STK3: variants seen among roughly 807,000 people sequenced by gnomAD.
STK3 encodes serine/threonine kinase 3.
Under a neutral mutation model 58.0 loss-of-function variants are expected in STK3, and 41 were observed. The observed-to-expected ratio is 0.71, with a 90% CI of 0.55 to 0.92. STK3 has a LOEUF of 0.92. STK3 is among the 40% of genes least tolerant of loss of function. The pLI is 0.00. For missense variants in STK3, 479 were observed against 602.7 expected (o/e 0.79, Z 2.15); for synonymous variants, 170 against 191.0 (o/e 0.89, Z 0.91).
chr8:98,690,617 C>A (rs1464218877), intron 6 of STK3, among the ~76,000 whole-genome samples: 1 of 152,202 alleles, frequency 6.6e-6, no homozygotes, highest in Non-Finnish European at 1.5e-5. Context: ...AATGGTCATA[C>A]TGCCCAAAGC....
chr8:98,476,940 A>C (rs533486968), intron 10 of STK3, among the ~76,000 whole-genome samples: 12 of 152,236 alleles, frequency 7.9e-5, no homozygotes, highest in Non-Finnish European at 1.3e-4. Flanking sequence ...GGTACTTGAA[A>C]AACAGCAACT....
At chr8:98,485,954 C>T (rs944008906) in intron 10 of STK3, among the ~76,000 whole-genome samples, 1 of 152,044 alleles carries the variant, frequency 6.6e-6, no homozygotes, top group African/African-American at 2.4e-5. Flanking sequence ...AGAGTACGAC[C>T]CATGACAAAG....
rs191439654 is a variant in STK3, at chr8:98,600,994, G to A, written c.685-4825C>T. Among the ~76,000 whole-genome samples the A allele has an allele frequency of 2.6e-5, 4 of 152,146 alleles. No individual in the cohort carries two copies. In the East Asian group the frequency reaches 7.7e-4, roughly 29 times the overall value. On this transcript the variant is annotated intron_variant, in intron 6 of 10. Transcript: ENST00000419617. The stretch of plus-strand genomic sequence containing the variant: ...CAATTATGTACAAGATTGTATAAGT[G>A]TCTTTAAAATTTATTTTTACTATGA...
chr8:98,590,448 G>A (rs987897542), intron 7 of STK3, among the ~76,000 whole-genome samples: 2 of 152,202 alleles, frequency 1.3e-5, no homozygotes, highest in Admixed American at 1.3e-4. Flanking sequence ...AGAGCCTTGG[G>A]CCAGAGTTCC....
At chr8:98,499,185 A>G (rs1823382836) in intron 10 of STK3, among the ~76,000 whole-genome samples, 1 of 152,188 alleles carries the variant, frequency 6.6e-6, no homozygotes, top group Non-Finnish European at 1.5e-5. Flanking sequence ...ACAGATCTAG[A>G]TACTAAAAAG....
At chr8:98,582,082 GA>G (rs771417283) in intron 7 of STK3, among the ~76,000 whole-genome samples, 116 of 152,064 alleles carry the variant, frequency 7.6e-4, no homozygotes, top group Non-Finnish European at 1.5e-3. Flanking sequence ...GATTTTAAAA[GA>G]ATAAACTTTT....
At chr8:98,585,324 T>A (rs1586930578) in intron 7 of STK3, among the ~76,000 whole-genome samples, 1 of 152,236 alleles carries the variant, frequency 6.6e-6, no homozygotes, top group African/African-American at 2.4e-5. Context: ...GACTAGCCAA[T>A]TTTCCCAGCA....
At chr8:98,725,829 G>GT (rs1255153338) in intron 4 of STK3, among the ~76,000 whole-genome samples, 1 of 152,076 alleles carries the variant, frequency 6.6e-6, no homozygotes, top group African/African-American at 2.4e-5. Flanking sequence ...CACTTACCAT[G>GT]TTTTTTTCCC....
chr8:98,546,353 G>A (rs1810699468), intron 9 of STK3, among the ~76,000 whole-genome samples: 1 of 151,964 alleles, frequency 6.6e-6, no homozygotes, highest in Non-Finnish European at 1.5e-5. Context: ...CAATCTAAAT[G>A]AATTAGATTC....
At chr8:98,509,815 T>G (rs1325380179) in intron 10 of STK3, among the ~76,000 whole-genome samples, 1 of 152,028 alleles carries the variant, frequency 6.6e-6, no homozygotes, top group African/African-American at 2.4e-5. Context: ...ATTCTATTTT[T>G]CTACTCATAA....
In STK3 at chr8:98,455,163, T is replaced by C. The variant is rs1404818622; in HGVS notation, c.*679A>G. On this transcript the variant is annotated 3_prime_UTR_variant, in exon 11 of 11. Coordinates refer to ENST00000419617, the MANE Select transcript of STK3 (RefSeq NM_006281.4). The stretch of plus-strand genomic sequence containing the variant: ...ACCTAAATATATATAGTTCTATTTG[T>C]ACCAAACATCAAAAATCAAAAAAAC... 1 of 152,560 alleles carries C rather than the reference T, an allele frequency of 6.6e-6. No homozygotes were observed. Among genetic ancestry groups the C allele is most frequent in the Non-Finnish European group, 1.5e-5 (1 of 68,026 alleles). The allele number at this position is 152,560 out of a possible 1,614,324, so 9.5% of individuals were successfully genotyped here.
intron 1 of STK3, among the ~76,000 whole-genome samples, chr8:98,793,629 T>TGACCACTGAGGCAGAAAACTAACAAA (rs1564006938): frequency 6.6e-6 from 1 of 152,180 alleles, no homozygotes; most frequent in African/African-American, 2.4e-5. Flanking sequence ...TGCATTAGCC[T>TGACCACTGAGGCAGAAAACTAACAAA]GACCACTGAG....
downstream of STK3, chr8:98,883,036 T>C (rs117644674): frequency 0.017 from 2,581 of 152,350 alleles, 42 homozygotes; most frequent in South Asian, 0.025. Flanking sequence ...GGGTCTTTCT[T>C]TGTAAAGTGA....
At chr8:98,490,648 C>T (rs1347990387) in intron 10 of STK3, among the ~76,000 whole-genome samples, 1 of 152,126 alleles carries the variant, frequency 6.6e-6, no homozygotes, top group Non-Finnish European at 1.5e-5. Flanking sequence ...GTGTCTGGCA[C>T]AGAGAAAATA....
intron 6 of STK3, among the ~76,000 whole-genome samples, chr8:98,663,052 T>G (rs963637294): frequency 5.3e-5 from 8 of 152,130 alleles, no homozygotes; most frequent in Admixed American, 3.3e-4. Flanking sequence ...ATTAAAGAGC[T>G]TCTGCACAGC....
intron 6 of STK3, among the ~76,000 whole-genome samples, chr8:98,620,026 T>C (rs777188517): frequency 2.1e-4 from 22 of 103,382 alleles, no homozygotes; most frequent in Non-Finnish European, 3.3e-4. Context: ...GGTATGTTTA[T>C]TGCGGCATTA....
chr8:98,627,404 C>T (rs577635163), intron 6 of STK3, among the ~76,000 whole-genome samples: 61 of 150,044 alleles, frequency 4.1e-4, no homozygotes, highest in Non-Finnish European at 6.9e-4. Context: ...ATCCCAGCTA[C>T]TTGGGAGGCT....
At chr8:98,593,387 T>C (rs556630582) in intron 7 of STK3, among the ~76,000 whole-genome samples, 15 of 152,336 alleles carry the variant, frequency 9.8e-5, no homozygotes, top group African/African-American at 2.6e-4. Context: ...ACGTAAGCTA[T>C]AGATATATGT....
chr8:98,867,572 A>G (rs1326656015), intron 3 of STK3, among the ~76,000 whole-genome samples: 3 of 146,906 alleles, frequency 2.0e-5, no homozygotes, highest in African/African-American at 5.0e-5. Flanking sequence ...GAGGGCATGG[A>G]AAAAAAAAAA....
Sources: allele counts gnomAD v4.1 joint callset (sites outside exome capture counted in the v4.1 genomes callset), GRCh38; gene constraint gnomAD v4.1.1; transcripts MANE v1.5; gene names NCBI Gene and HGNC (gene_info 2026-07-23, HGNC 2026-07-21).